Variants in NT5M observed in about 807,000 individuals in gnomAD.
NT5M encodes 5',3'-nucleotidase, mitochondrial.
NT5M carries 22 observed loss-of-function variants against 22.2 expected under a neutral mutation model. The ratio of observed to expected loss-of-function variants is 0.99; its 90% CI spans 0.71 to 1.41. The LOEUF is 1.41. Among genes scored for constraint, NT5M ranks in the 40% most tolerant of loss-of-function variants. The pLI is 0.00. For missense variants in NT5M, 322 were observed against 314.8 expected (o/e 1.02, Z -0.17); for synonymous variants, 167 against 133.0 (o/e 1.26, Z -1.76).
intron 2 of NT5M, among the ~76,000 whole-genome samples, chr17:17,313,081 C>A (rs2048953416): frequency 6.6e-6 from 1 of 151,972 alleles, no homozygotes; most frequent in Non-Finnish European, 1.5e-5. Context: ...ACCGGCCTGA[C>A]CAACATGGAG....
rs757683323 is a variant in NT5M at position 17,327,906 on chromosome 17, G to T, written c.429+4661G>T. On this transcript the variant is annotated intron_variant, in intron 3 of 4. Coordinates refer to ENST00000389022, the MANE Select transcript of NT5M (RefSeq NM_020201.4). The stretch of plus-strand genomic sequence containing the variant: ...GCCTCAAAGTAGTCTGCCCATCTCG[G>T]TCTCCCGAAGTGCTGGGATTACAGG... 2.0e-5 allele frequency among the ~76,000 whole-genome samples: 3 copies of T among 149,492 alleles called. 1 individual carries two copies. The highest frequency in any genetic ancestry group is 4.5e-5 in the Non-Finnish European group (3 of 67,374).
chr17:17,303,840 G>A, intron 1 of NT5M, 23 bp downstream of exon 1: 2 of 1,370,666 alleles, frequency 1.5e-6, no homozygotes, highest in South Asian at 1.6e-5. Flanking sequence ...GCCCCGCCCC[G>A]CGCCGGGCCT....
chr17:17,308,311 C>T (rs1702707454), intron 2 of NT5M, among the ~76,000 whole-genome samples: 1 of 152,012 alleles, frequency 6.6e-6, no homozygotes, highest in South Asian at 2.1e-4. Flanking sequence ...AATGACATAC[C>T]AGCTGGGCGC....
rs892392563 is a variant in NT5M at position 17,334,651 on chromosome 17, T to A, written c.430-10143T>A. Among the ~76,000 whole-genome samples, 3 of 151,460 alleles carry A rather than the reference T, an allele frequency of 2.0e-5. No homozygotes were observed. The East Asian group carries it at 5.9e-4, about 30-fold the overall frequency. On this transcript the variant is annotated intron_variant, in intron 3 of 4. Coordinates refer to ENST00000389022, the MANE Select transcript of NT5M (RefSeq NM_020201.4). ...CCACCACACCCAGCTAATTTTTGTA[T>A]TTTTAGTTGAGACGGGGTTTCACCA...
At chr17:17,333,423 C>T (rs966255195) in intron 3 of NT5M, 1 of 152,128 alleles carries the variant, frequency 6.6e-6, no homozygotes, top group Non-Finnish European at 1.5e-5. Flanking sequence ...CCCACCTTAG[C>T]CTCCTGAGTA....
At chr17:17,331,022 G>A (rs995757186) in intron 3 of NT5M, among the ~76,000 whole-genome samples, 3 of 151,680 alleles carry the variant, frequency 2.0e-5, no homozygotes, top group Non-Finnish European at 2.9e-5. Context: ...GATTACAGGC[G>A]TGAGCCACTG....
Position 17,323,239 on chromosome 17 carries a change from T to C in NT5M, c.423T>C (p.Tyr141=). The C allele has an allele frequency of 6.2e-7, 1 of 1,612,524 alleles. No homozygotes were observed. The highest frequency in any genetic ancestry group is 8.5e-7 in the Non-Finnish European group (1 of 1,178,564). The change falls in exon 3 of 5, where the codon TAT becomes TAC. Residue 141 remains tyrosine (Y), a synonymous_variant. Coordinates refer to ENST00000389022, the MANE Select transcript of NT5M (RefSeq NM_020201.4). ...SPIKMFKYCP[Y]EKYAWVEKYF... is the part of the protein sequence containing the mutation. ...TCAAGATGTTCAAGTACTGTCCCTA[T>C]GAGAAGGTAAGGCGTGCGTCTGCTC...
chr17:17,329,100 C>T (rs1231583278), intron 3 of NT5M, among the ~76,000 whole-genome samples: 2 of 152,188 alleles, frequency 1.3e-5, no homozygotes, highest in Admixed American at 6.5e-5. Context: ...GCCTCAGCCT[C>T]CCGAGTAGCT....
chr17:17,343,198 T>C (rs1288766216), intron 3 of NT5M, among the ~76,000 whole-genome samples: 1 of 152,038 alleles, frequency 6.6e-6, no homozygotes, highest in Non-Finnish European at 1.5e-5. Flanking sequence ...GTGGCAGCTT[T>C]AGAAGGATAG....
chr17:17,315,066 C>A (rs2048995514), intron 2 of NT5M, among the ~76,000 whole-genome samples: 1 of 152,200 alleles, frequency 6.6e-6, no homozygotes, highest in African/African-American at 2.4e-5. Flanking sequence ...TGGCACATCA[C>A]ACACTCAAAA....
At chr17:17,305,040 C>G (rs1157347726) in intron 1 of NT5M, among the ~76,000 whole-genome samples, 1 of 152,108 alleles carries the variant, frequency 6.6e-6, no homozygotes, top group Non-Finnish European at 1.5e-5. Context: ...CTGGTACTTT[C>G]TGCAGCCTCA....
At chr17:17,304,469 C>T (rs374247827) in intron 1 of NT5M, 1 of 980,862 alleles carries the variant, frequency 1.0e-6, no homozygotes. Context: ...CGTTTACACA[C>T]AGATCTTGGT....
intron 3 of NT5M, among the ~76,000 whole-genome samples, chr17:17,338,902 A>C (rs924294615): frequency 2.0e-5 from 3 of 150,620 alleles, no homozygotes; most frequent in Admixed American, 1.3e-4. Flanking sequence ...AATTTTTTGT[A>C]TTTTTTAGTA....
chr17:17,326,566 A>AC (rs2049271209), intron 3 of NT5M, among the ~76,000 whole-genome samples: 1 of 152,180 alleles, frequency 6.6e-6, no homozygotes, highest in Non-Finnish European at 1.5e-5. Flanking sequence ...GAGCCCGCAG[A>AC]CCGTCTCTCC....
chr17:17,324,850 T>C (rs994063893), intron 3 of NT5M, among the ~76,000 whole-genome samples: 1 of 152,216 alleles, frequency 6.6e-6, no homozygotes, highest in Non-Finnish European at 1.5e-5. Flanking sequence ...CGGCCTTCGC[T>C]GACCCCCTTT....
chr17:17,311,907 C>G (rs185992349), intron 2 of NT5M, among the ~76,000 whole-genome samples: 1 of 152,340 alleles, frequency 6.6e-6, no homozygotes, highest in East Asian at 1.9e-4. Context: ...CTTAAGCTTT[C>G]AAAACCCTGC....
intron 2 of NT5M, among the ~76,000 whole-genome samples, chr17:17,313,913 C>T (rs2048970560): frequency 6.6e-6 from 1 of 152,256 alleles, no homozygotes; most frequent in Non-Finnish European, 1.5e-5. Flanking sequence ...ACGTCCTGCC[C>T]TGTTCCAGCA....
chr17:17,303,999 A>T (rs2048739014), intron 1 of NT5M, 182 bp downstream of exon 1: 1 of 1,241,190 alleles, frequency 8.1e-7, no homozygotes, highest in Non-Finnish European at 1.0e-6. Flanking sequence ...CGCGCTCAGG[A>T]TCTGTTGGCT....
intron 3 of NT5M, among the ~76,000 whole-genome samples, chr17:17,339,208 G>C (rs1040356355): frequency 2.0e-5 from 3 of 151,098 alleles, no homozygotes; most frequent in African/African-American, 4.9e-5. Flanking sequence ...TTTCACTTGG[G>C]TTAATTCTTA....
Sources: allele counts gnomAD v4.1 joint callset (sites outside exome capture counted in the v4.1 genomes callset), GRCh38; gene constraint gnomAD v4.1.1; transcripts MANE v1.5; gene names NCBI Gene and HGNC (gene_info 2026-07-23, HGNC 2026-07-21).